The following VPS50 variants were observed in gnomAD, a reference collection of about 807,000 sequenced individuals.
VPS50 encodes the protein syndetin.
In VPS50, 70 loss-of-function variants were observed where a neutral mutation model predicts 139.7. That is an observed-to-expected ratio of 0.50 (90% confidence interval 0.41 to 0.61). The LOEUF (loss-of-function observed/expected upper bound fraction) is 0.61, where lower values mean the gene tolerates loss of function less well. Among genes scored for constraint, VPS50 ranks in the 20% least tolerant of loss-of-function variants. VPS50 has a pLI of 0.00. For missense variants in VPS50, 921 were observed against 1,133.7 expected (o/e 0.81, Z 2.69); for synonymous variants, 365 against 376.7 (o/e 0.97, Z 0.36).
intron 1 of VPS50, among the ~76,000 whole-genome samples, chr7:93,238,218 G>T (rs191618296): frequency 3.3e-5 from 5 of 152,072 alleles, no homozygotes; most frequent in African/African-American, 1.2e-4. Context: ...TTCGAGACAG[G>T]GAAGAACAAA....
chr7:93,352,570 G>T (rs1456648182), intron 25 of VPS50, among the ~76,000 whole-genome samples: 1 of 151,976 alleles, frequency 6.6e-6, no homozygotes. Flanking sequence ...CTCTATTCAG[G>T]TAACTAAAGA....
chr7:93,339,935 T>C (rs879751795), intron 22 of VPS50, among the ~76,000 whole-genome samples: 2 of 152,220 alleles, frequency 1.3e-5, no homozygotes, highest in South Asian at 2.1e-4. Context: ...TTTTAAAAAA[T>C]GTAATGAATG....
rs71107889 is a variant in VPS50 at position 93,236,937 on chromosome 7, C to CTTTTTTT, written c.34-2903_34-2897dup. On this transcript the variant is annotated intron_variant, in intron 1 of 27. Transcript: ENST00000305866. ...CTCACATACATGACCTCTTTTACTT[C>CTTTTTTT]TTTTTTTTTTTTTTTTTTTTTTTTT... 2.3e-3 allele frequency among the ~76,000 whole-genome samples: 70 copies of CTTTTTTT among 31,074 alleles called. 12 individuals are homozygous for CTTTTTTT. The highest frequency in any genetic ancestry group is 3.3e-3 in the African/African-American group (20 of 6,096). 20.4% of individuals were successfully genotyped at this position (31,074 alleles called of 152,430 possible). A position where few individuals can be genotyped will look rare whatever the true frequency, so the allele number is the denominator to read the frequency against.
chr7:93,264,843 T>C (rs1795793060), intron 9 of VPS50, among the ~76,000 whole-genome samples: 2 of 152,196 alleles, frequency 1.3e-5, no homozygotes, highest in South Asian at 2.1e-4. Context: ...TTGTTTCTGC[T>C]AGGTTGCCAG....
rs965591570 is a variant in VPS50, at chr7:93,253,877, C to T, written c.243C>T (p.Leu81=). 3.1e-6 allele frequency: 5 copies of T among 1,594,654 alleles called. No homozygotes were observed. The highest frequency in any genetic ancestry group is 4.3e-6 in the Non-Finnish European group (5 of 1,165,096). Residue 81 remains leucine, a synonymous_variant, in exon 4 of 28, where the codon CTC becomes CTT. Coordinates refer to ENST00000305866, the MANE Select transcript of VPS50 (RefSeq NM_017667.4). ...TTCTGTAGAAGCTTCCACCTGTTCT[C>T]AATTTGCAAGAATTAGAGGCGTATA... ...KYELEKLPPV[L]NLQELEAYRD... is the part of the protein sequence containing the mutation.
chr7:93,353,908 G>C (rs1009470131), intron 26 of VPS50, 147 bp downstream of exon 26: 3 of 622,468 alleles, frequency 4.8e-6, no homozygotes, highest in Admixed American at 6.8e-5. Flanking sequence ...AGAAACCTTA[G>C]ACCCCACTGT....
chr7:93,250,448 G>A (rs1254633642), intron 2 of VPS50, among the ~76,000 whole-genome samples: 2 of 152,074 alleles, frequency 1.3e-5, no homozygotes. Flanking sequence ...AAGCAATGGG[G>A]AAAGGAGTCC....
At chr7:93,346,485 A>C (rs911258459) in intron 23 of VPS50, among the ~76,000 whole-genome samples, 2 of 152,228 alleles carry the variant, frequency 1.3e-5, no homozygotes, top group African/African-American at 4.8e-5. Context: ...TTTAAAGTTC[A>C]TATGGAACCA....
intron 2 of VPS50, 143 bp from the exon 3 acceptor site, chr7:93,252,510 C>T (rs974683533): frequency 1.2e-5 from 7 of 594,168 alleles, no homozygotes; most frequent in African/African-American, 2.0e-5. Flanking sequence ...TTCCTGTGAA[C>T]TTTTCTGATT....
At chr7:93,281,931 G>A (rs912434046) in intron 12 of VPS50, among the ~76,000 whole-genome samples, 3 of 152,252 alleles carry the variant, frequency 2.0e-5, no homozygotes, top group South Asian at 2.1e-4. Context: ...CCGGCTGGGC[G>A]CGGTGGCTCA....
At position 93,348,806 on chromosome 7, in the gene VPS50, A is replaced by G; in HGVS notation, c.2303A>G (p.Gln768Arg). The G allele has an allele frequency of 1.3e-6, 2 of 1,587,728 alleles. No individual in the cohort carries two copies. Among genetic ancestry groups the G allele is most frequent in the Non-Finnish European group, 1.7e-6 (2 of 1,156,084 alleles). Residue 768 changes from glutamine to arginine, a missense_variant and splice_region_variant, in exon 24 of 28, where the codon CAG becomes CGG. Gln to Arg is a conservative substitution (Grantham distance 43). This residue lies in a region of VPS50 where 744 missense variants were observed against 930.6 expected (regional missense o/e 0.80). Coordinates refer to ENST00000305866, the MANE Select transcript of VPS50 (RefSeq NM_017667.4). ...CCCTTTCTTCAGCAGTTCTATTCTC[A>G]GGTCAGACATGGTCTTGTATGTCAT... ...KKPFLQQFYS[Q>R]TVSTASELRK...
rs1422706266 is a variant in VPS50, at chr7:93,303,520, T to G, written c.1422T>G (p.Val474=). 1.3e-6 allele frequency: 2 copies of G among 1,568,628 alleles called. No homozygotes were observed. Among genetic ancestry groups the G allele is most frequent in the Admixed American group, 1.7e-5 (1 of 59,174 alleles). The part of the protein sequence containing the change: ...LENETWELCP[V]KSNFSILQLH... The stretch of plus-strand genomic sequence containing the variant: ...ATGAGACTTGGGAACTTTGTCCTGT[T>G]AAGTCAAATTTCAGCATCTTGCAAC... The change falls in exon 17 of 28, where the codon GTT becomes GTG. Residue 474 remains valine (V), a synonymous_variant. Transcript: ENST00000305866.
chr7:93,272,817 A>C, intron 11 of VPS50, 84 bp downstream of exon 11: 6 of 638,464 alleles, frequency 9.4e-6, no homozygotes, highest in Non-Finnish European at 1.6e-5. Context: ...TATTAATCTC[A>C]TGTCCTTAAA....
At chr7:93,332,866 A>G (rs899381546) in intron 21 of VPS50, among the ~76,000 whole-genome samples, 17 of 142,604 alleles carry the variant, frequency 1.2e-4, no homozygotes, top group African/African-American at 4.2e-4. Flanking sequence ...CACATCAAAC[A>G]CAAAAGATTA....
intron 11 of VPS50, among the ~76,000 whole-genome samples, chr7:93,275,386 C>G (rs1796123012): frequency 6.6e-6 from 1 of 152,084 alleles, no homozygotes; most frequent in Non-Finnish European, 1.5e-5. Context: ...TCACTGTTGT[C>G]TTTTCAGAAA....
At chr7:93,324,251 G>C (rs906276444) in intron 21 of VPS50, among the ~76,000 whole-genome samples, 1 of 152,200 alleles carries the variant, frequency 6.6e-6, no homozygotes, top group South Asian at 2.1e-4. Context: ...AATTTGACTT[G>C]CTCTTTTCCT....
chr7:93,311,330 GACTTTT>G, intron 20 of VPS50, 58 bp downstream of exon 20: 1 of 815,320 alleles, frequency 1.2e-6, no homozygotes, highest in Non-Finnish European at 2.2e-6. Flanking sequence ...GTTACCGAAT[GACTTTT>G]ACTTGTGGTT....
chr7:93,262,088 A>G (rs1267680194), intron 9 of VPS50, among the ~76,000 whole-genome samples: 1 of 152,192 alleles, frequency 6.6e-6, no homozygotes, highest in Non-Finnish European at 1.5e-5. Context: ...TGAGAAGCTG[A>G]AAATAAAATA....
At chr7:93,306,805 A>G (rs541382572) in intron 18 of VPS50, among the ~76,000 whole-genome samples, 12 of 151,920 alleles carry the variant, frequency 7.9e-5, no homozygotes, top group African/African-American at 2.4e-4. Flanking sequence ...TAAAGTGAAA[A>G]CCATTCAGAT....
Sources: allele counts gnomAD v4.1 joint callset (sites outside exome capture counted in the v4.1 genomes callset), GRCh38; gene constraint gnomAD v4.1.1; regional missense constraint gnomAD v4.1.1; transcripts MANE v1.5; gene names NCBI Gene and HGNC (gene_info 2026-07-23, HGNC 2026-07-21).